The following LRRC56 variants were observed in gnomAD, a reference collection of about 807,000 sequenced individuals.
LRRC56 encodes the protein leucine-rich repeat-containing protein 56.
In LRRC56, 41 loss-of-function variants were observed where a neutral mutation model predicts 47.8. That is an observed-to-expected ratio of 0.86 (90% CI 0.67 to 1.11). The LOEUF (loss-of-function observed/expected upper bound fraction) is 1.11, where lower values mean the gene tolerates loss of function less well. LRRC56 is among the 50% of genes most tolerant of loss of function. The pLI, the probability that LRRC56 is intolerant of heterozygous loss-of-function variation, is 0.00. For synonymous variants in LRRC56, 387 were observed against 311.2 expected, an observed-to-expected ratio of 1.24 and a Z score of -2.56; for missense variants, 759 against 704.2, an observed-to-expected ratio of 1.08 and a Z score of -0.88.
the LRRC56 span, among the ~76,000 whole-genome samples, chr11:511,185 G>T: frequency 6.6e-6 from 1 of 151,918 alleles, no homozygotes; most frequent in Non-Finnish European, 1.5e-5. Context: ...GCCGGGCGTG[G>T]TGGCGGGCGC....
At chr11:512,295 G>T in the LRRC56 span, among the ~76,000 whole-genome samples, 2 of 151,946 alleles carry the variant, frequency 1.3e-5, no homozygotes, top group Non-Finnish European at 2.9e-5. Flanking sequence ...GAGTGCAGTG[G>T]CATGATCTCA....
intron 6 of LRRC56, among the ~76,000 whole-genome samples, chr11:545,019 G>A (rs1377410814): frequency 6.6e-6 from 1 of 152,074 alleles, no homozygotes; most frequent in Non-Finnish European, 1.5e-5. Flanking sequence ...GTCTCTGAGA[G>A]GGTCTTTGTT....
chr11:527,357 A>C, the LRRC56 span, among the ~76,000 whole-genome samples: 4 of 152,280 alleles, frequency 2.6e-5, no homozygotes, highest in Middle Eastern at 3.4e-3. Context: ...CACCTTGCGC[A>C]GTGAACTCTG....
chr11:508,935 C>T, the LRRC56 span, among the ~76,000 whole-genome samples: 1 of 152,134 alleles, frequency 6.6e-6, no homozygotes, highest in Non-Finnish European at 1.5e-5. Context: ...ATCCCAGCTA[C>T]TCAGGAGGCT....
At chr11:533,446 G>A (rs2133986065), upstream of LRRC56, 2 of 1,612,722 alleles carry the variant, frequency 1.2e-6, no homozygotes, top group Admixed American at 1.7e-5. Flanking sequence ...GTGGAGAGCT[G>A]CCTCACCTGC....
intron 5 of LRRC56, among the ~76,000 whole-genome samples, chr11:542,580 C>CAAAA (rs71022928): frequency 1.2e-3 from 31 of 25,944 alleles, no homozygotes; most frequent in African/African-American, 1.7e-3. Flanking sequence ...AACCCTGTCG[C>CAAAA]AAAAAAAAAA....
chr11:551,232 C>T lies in LRRC56; in HGVS notation c.726C>T (p.Pro242=). The change falls in exon 9 of 14, where the codon CCC becomes CCT. Residue 242 remains proline (P), a synonymous_variant. Coordinates refer to ENST00000270115, the MANE Select transcript of LRRC56 (RefSeq NM_198075.4). ...CCGCACACACAGGCCCACCGGCCCC[C>T]CCGCGGCTGAGCCAGGACTGGCTTG... The part of the protein sequence containing the change: ...VPAAHTGPPA[P]PRLSQDWLAV... 1.9e-6 allele frequency: 3 copies of T among 1,547,100 alleles called. No homozygotes were observed. Among genetic ancestry groups the T allele is most frequent in the East Asian group, 2.5e-5 (1 of 40,700 alleles).
intron 8 of LRRC56, among the ~76,000 whole-genome samples, chr11:550,561 C>G (rs1025580928): frequency 2.0e-5 from 3 of 152,166 alleles, no homozygotes; most frequent in Non-Finnish European, 4.4e-5. Context: ...CACAAAGAAC[C>G]ACGTGTACAC....
the LRRC56 span, among the ~76,000 whole-genome samples, chr11:518,187 A>AT: frequency 1.2e-3 from 181 of 147,454 alleles, no homozygotes; most frequent in Middle Eastern, 3.5e-3. Flanking sequence ...TAATAATAAA[A>AT]TTTTTTTTTT....
At chr11:553,810 CAGAA>C (rs1387798164) in intron 13 of LRRC56, among the ~76,000 whole-genome samples, 149 bp from the exon 14 acceptor site, 2 of 152,168 alleles carry the variant, frequency 1.3e-5, no homozygotes, top group African/African-American at 4.8e-5. Context: ...GCTGGGAACA[CAGAA>C]AGTGGGGTGC....
upstream of LRRC56, chr11:532,583 C>T (rs2133981594): frequency 6.3e-7 from 1 of 1,582,202 alleles, no homozygotes; most frequent in Non-Finnish European, 8.5e-7. Context: ...GGGCGGGGAG[C>T]CGGGGTCATC....
At chr11:512,805 T>TG in the LRRC56 span, among the ~76,000 whole-genome samples, 27 of 152,212 alleles carry the variant, frequency 1.8e-4, no homozygotes, top group African/African-American at 6.3e-4. Flanking sequence ...TTCTAGTTGA[T>TG]GGAGGGCAGG....
At chr11:534,198 G>T, upstream of LRRC56, 1 of 1,594,254 alleles carries the variant, frequency 6.3e-7, no homozygotes. Context: ...CCTGGACGGC[G>T]GCGCCAGGCT....
intron 5 of LRRC56, 118 bp from the exon 6 acceptor site, chr11:544,602 G>A: frequency 9.5e-7 from 1 of 1,055,144 alleles, no homozygotes; most frequent in South Asian, 1.3e-5. Context: ...AGGGAGGCTT[G>A]TGAGGCTGGC....
the LRRC56 span, among the ~76,000 whole-genome samples, chr11:524,906 C>G: frequency 6.6e-6 from 1 of 150,592 alleles, no homozygotes; most frequent in Non-Finnish European, 1.5e-5. Context: ...TCCTGGCCGA[C>G]ATGGTGAAAC....
chr11:554,702 G>C lies in LRRC56; in HGVS notation c.*426G>C, dbSNP rs1852667844. 4.2e-5 allele frequency: 19 copies of C among 450,628 alleles called. No individual in the cohort carries two copies. In the South Asian group the frequency reaches 5.6e-4, roughly 13 times the overall value. 27.9% of individuals were successfully genotyped at this position (450,628 alleles called of 1,614,324 possible). The stretch of plus-strand genomic sequence containing the variant: ...ACCTCCTAGGCCGCAGTGGCCCAAG[G>C]TCCCAGCTGCTCGCCTGAGGCCGCC... On this transcript the variant is annotated 3_prime_UTR_variant, in exon 14 of 14. Transcript: ENST00000270115.
intron 3 of LRRC56, among the ~76,000 whole-genome samples, chr11:540,442 C>T (rs1290482305): frequency 6.6e-6 from 1 of 151,770 alleles, no homozygotes; most frequent in African/African-American, 2.4e-5. Flanking sequence ...CAGAGGGGGT[C>T]GAGCCAAGGC....
At chr11:507,384 A>T in the LRRC56 span, 1 of 142,850 alleles carries the variant, frequency 7.0e-6, no homozygotes, top group Non-Finnish European at 1.5e-5. Flanking sequence ...GTCTTGGCGC[A>T]GCGGCGGGGC....
chr11:508,997 A>G, the LRRC56 span, among the ~76,000 whole-genome samples: 7 of 152,306 alleles, frequency 4.6e-5, no homozygotes, highest in Admixed American at 3.3e-4. Flanking sequence ...GTGAGCCAAG[A>G]TCGTGCCACT....
Sources: gnomAD v4.1 joint callset for allele counts (sites outside exome capture counted in the v4.1 genomes callset) on GRCh38, gnomAD v4.1.1 for gene constraint, MANE v1.5 for transcripts, NCBI Gene and HGNC (gene_info 2026-07-23, HGNC 2026-07-21) for gene names.